The following NKAIN2 variants were observed in gnomAD, a reference collection of about 807,000 sequenced individuals.
NKAIN2 encodes sodium/potassium-transporting ATPase subunit beta-1-interacting protein 2.
A neutral mutation model predicts 32.6 loss-of-function variants in NKAIN2; 14 were observed. That is an observed-to-expected ratio of 0.43 (90% CI 0.28 to 0.67). NKAIN2 has a LOEUF of 0.67. NKAIN2 is among the 30% of genes least tolerant of loss of function. The pLI is 0.17. For synonymous variants in NKAIN2, 80 were observed against 87.2 expected (o/e 0.92, Z 0.46); for missense variants, 198 against 258.3 (o/e 0.77, Z 1.60).
At chr6:124,510,506 A>T (rs1225170724) in intron 3 of NKAIN2, among the ~76,000 whole-genome samples, 1 of 152,174 alleles carries the variant, frequency 6.6e-6, no homozygotes, top group Non-Finnish European at 1.5e-5. Context: ...AATTTTCCCC[A>T]AATGTTGGAA....
chr6:123,892,826 T>G (rs1774086338), intron 1 of NKAIN2, among the ~76,000 whole-genome samples: 1 of 151,768 alleles, frequency 6.6e-6, no homozygotes, highest in Non-Finnish European at 1.5e-5. Context: ...CACCCCAATC[T>G]GTATTCTTGT....
chr6:124,471,167 C>T (rs1776957543), intron 3 of NKAIN2, among the ~76,000 whole-genome samples: 1 of 152,156 alleles, frequency 6.6e-6, no homozygotes, highest in South Asian at 2.1e-4. Flanking sequence ...TTATTCTCCT[C>T]TGCTAAATGT....
intron 5 of NKAIN2, among the ~76,000 whole-genome samples, chr6:124,795,676 G>A (rs536987143): frequency 2.0e-5 from 3 of 152,202 alleles, no homozygotes; most frequent in South Asian, 2.1e-4. Context: ...TCAAGGTACC[G>A]GCAGATATGG....
chr6:124,350,835 A>G (rs910911823), intron 2 of NKAIN2, among the ~76,000 whole-genome samples: 5 of 152,208 alleles, frequency 3.3e-5, no homozygotes, highest in African/African-American at 1.2e-4. Context: ...GTCAAGAGGC[A>G]ACTCATAGCT....
At chr6:123,945,627 G>T (rs925832498) in intron 1 of NKAIN2, among the ~76,000 whole-genome samples, 3 of 152,000 alleles carry the variant, frequency 2.0e-5, no homozygotes, top group Non-Finnish European at 4.4e-5. Flanking sequence ...CTGTCACTTG[G>T]CATGTCCTGC....
At chr6:124,347,685 T>A (rs1798500525) in intron 2 of NKAIN2, among the ~76,000 whole-genome samples, 1 of 152,224 alleles carries the variant, frequency 6.6e-6, no homozygotes, top group South Asian at 2.1e-4. Flanking sequence ...TTCAGCTCCA[T>A]CAGCTCCTTT....
At chr6:124,262,337 G>A (rs1562457884) in intron 1 of NKAIN2, among the ~76,000 whole-genome samples, 2 of 152,126 alleles carry the variant, frequency 1.3e-5, no homozygotes, top group South Asian at 4.1e-4. Flanking sequence ...TTGTGACATG[G>A]GGATGTGACT....
chr6:124,333,759 TGTA>T (rs1797759142), intron 2 of NKAIN2, among the ~76,000 whole-genome samples: 1 of 152,178 alleles, frequency 6.6e-6, no homozygotes, highest in South Asian at 2.1e-4. Flanking sequence ...GTATTTTATT[TGTA>T]GTTCAAAGCT....
intron 1 of NKAIN2, among the ~76,000 whole-genome samples, chr6:123,976,986 A>T (rs1334073179): frequency 5.9e-5 from 9 of 152,104 alleles, no homozygotes; most frequent in African/African-American, 2.2e-4. Context: ...CCAGTTTTGA[A>T]CAATCAAAAA....
chr6:124,137,238 A>C (rs1786854584), intron 1 of NKAIN2, among the ~76,000 whole-genome samples: 1 of 152,172 alleles, frequency 6.6e-6, no homozygotes, highest in South Asian at 2.1e-4. Flanking sequence ...AATTACATTA[A>C]GAACTCAATC....
intron 3 of NKAIN2, among the ~76,000 whole-genome samples, chr6:124,503,090 A>G (rs932898971): frequency 4.3e-4 from 66 of 152,284 alleles, no homozygotes; most frequent in African/African-American, 1.5e-3. Context: ...AAAATAGTAC[A>G]TCTTTCTTGT....
chr6:124,580,687 A>G (rs564335631), intron 3 of NKAIN2, among the ~76,000 whole-genome samples: 2 of 152,306 alleles, frequency 1.3e-5, no homozygotes, highest in South Asian at 4.1e-4. Flanking sequence ...TAAAAGAACT[A>G]AACTCTTCAA....
chr6:124,590,800 C>A (rs1402961581), intron 3 of NKAIN2, among the ~76,000 whole-genome samples: 2 of 146,556 alleles, frequency 1.4e-5, no homozygotes, highest in South Asian at 2.1e-4. Context: ...TATATGGCAA[C>A]TGGCCCATGT....
chr6:124,389,715 TTGTGTGTGTGTGTGTGTGTGTG>T (rs3052704), intron 3 of NKAIN2, among the ~76,000 whole-genome samples: 1 of 141,908 alleles, frequency 7.0e-6, no homozygotes, highest in South Asian at 2.2e-4. Flanking sequence ...CTGTGTACAT[TTGTGTGTGTGTGTGTGTGTGTG>T]TGTGTGTGTG....
At chr6:124,500,987 G>T (rs1047671534) in intron 3 of NKAIN2, among the ~76,000 whole-genome samples, 12 of 152,166 alleles carry the variant, frequency 7.9e-5, no homozygotes, top group Non-Finnish European at 1.8e-4. Flanking sequence ...TAGAAAAGAT[G>T]CTAAATAACA....
At chr6:124,807,862 A>G (rs969455518) in intron 5 of NKAIN2, among the ~76,000 whole-genome samples, 4 of 150,978 alleles carry the variant, frequency 2.6e-5, no homozygotes, top group Admixed American at 6.6e-5. Flanking sequence ...ACACCTGTAC[A>G]CAAATAAACT....
chr6:124,254,368 A>C (rs1793827050), intron 1 of NKAIN2, among the ~76,000 whole-genome samples: 2 of 152,204 alleles, frequency 1.3e-5, no homozygotes, highest in Non-Finnish European at 2.9e-5. Context: ...ACATCTGTCA[A>C]AGTATTGTAC....
intron 1 of NKAIN2, among the ~76,000 whole-genome samples, chr6:123,993,349 G>T (rs1395421439): frequency 6.6e-6 from 1 of 152,008 alleles, no homozygotes; most frequent in African/African-American, 2.4e-5. Flanking sequence ...TTTCATTTCA[G>T]CAGCCTGATT....
chr6:124,696,809 G>A (rs1774520834), intron 4 of NKAIN2, among the ~76,000 whole-genome samples: 2 of 150,472 alleles, frequency 1.3e-5, no homozygotes, highest in African/African-American at 4.9e-5. Flanking sequence ...AGCTGTATAG[G>A]TCAAGAAGAT....
Sources: gnomAD v4.1 joint callset for allele counts (sites outside exome capture counted in the v4.1 genomes callset) on GRCh38, gnomAD v4.1.1 for gene constraint, MANE v1.5 for transcripts, NCBI Gene and HGNC (gene_info 2026-07-23, HGNC 2026-07-21) for gene names.